POLE: variants seen among roughly 807,000 people sequenced by gnomAD.
POLE encodes DNA polymerase epsilon catalytic subunit A.
In POLE, 188 loss-of-function variants were observed where a neutral mutation model predicts 279.2. The observed-to-expected ratio is 0.67, with a 90% confidence interval of 0.60 to 0.76. POLE has a LOEUF of 0.76. Ranked by LOEUF, POLE falls within the 30% of genes least tolerant of loss-of-function variation. The pLI is 0.00. For missense variants in POLE, 2,703 were observed against 3,016.7 expected, an observed-to-expected ratio of 0.90 and a Z score of 2.44; for synonymous variants, 1,214 against 1,172.5, an observed-to-expected ratio of 1.04 and a Z score of -0.72.
chr12:132,681,146 T>C lies in POLE; in HGVS notation c.196A>G (p.Met66Val), dbSNP rs534552358. The C allele has an allele frequency of 1.2e-6, 2 of 1,614,116 alleles. No homozygotes were observed. The highest frequency in any genetic ancestry group is 2.2e-5 in the East Asian group (1 of 44,876). Residue 66 changes from methionine (M) to valine (V), a missense_variant, in exon 2 of 49, where the codon ATG (methionine) becomes GTG (valine). Physicochemically the swap from Met to Val is conservative, Grantham distance 21. Coordinates refer to ENST00000320574, the MANE Select transcript of POLE (RefSeq NM_006231.4). ...PGEKTGWLINMHPTEILDEDK... is the reference protein window; with the variant it reads ...PGEKTGWLINVHPTEILDEDK... ...AAGGACCTAGTGCTTACAGGATGCA[T>C]GTTAATGAGCCAGCCTGTCTTCTCA...
Position 132,649,097 on chromosome 12 carries a change from CA to C in POLE, c.4006-26del, listed in dbSNP as rs770890806. On this transcript the variant is annotated intron_variant, in intron 31 of 48. Transcript: ENST00000320574. ...TCTGAAAGGCCACACGGACATACAG[CA>C]CATCACAGGACACACTGGAACCCAC... 5 of 1,606,196 alleles carry C rather than the reference CA, an allele frequency of 3.1e-6. No individual in the cohort carries two copies. In the South Asian group the frequency reaches 5.5e-5, roughly 18 times the overall value.
intron 46 of POLE, 160 bp from the exon 47 acceptor site, chr12:132,625,930 C>T (rs2041829547): frequency 2.6e-6 from 3 of 1,149,746 alleles, no homozygotes; most frequent in Non-Finnish European, 3.7e-6. Flanking sequence ...TGCACTTGAG[C>T]CCTTCCTAGG....
chr12:132,667,739 T>C (rs2042829734), intron 19 of POLE, 91 bp from the exon 20 acceptor site: 2 of 1,353,146 alleles, frequency 1.5e-6, no homozygotes, highest in East Asian at 2.3e-5. Context: ...ACATGGCTTC[T>C]ACGTCACCAC....
intron 45 of POLE, among the ~76,000 whole-genome samples, chr12:132,628,214 T>C (rs2041872497): frequency 6.6e-6 from 1 of 152,090 alleles, no homozygotes; most frequent in Non-Finnish European, 1.5e-5. Flanking sequence ...TGGTGGCGCT[T>C]GCCTGTAGTC....
chr12:132,640,019 C>T lies in POLE; in HGVS notation c.5379-721G>A, dbSNP rs981302233. ...AAACATCACCATACCCACATGGCCC[C>T]AGCTGGTCAGAAACAAGAACTTAGA... On this transcript the variant is annotated intron_variant, in intron 39 of 48. Transcript: ENST00000320574. Among the ~76,000 whole-genome samples, 3 of 152,154 alleles carry T rather than the reference C, an allele frequency of 2.0e-5. No individual in the cohort carries two copies. The South Asian group carries it at 6.2e-4, about 32-fold the overall frequency.
In POLE at chr12:132,661,385, G is replaced by C; in HGVS notation, c.2864+142C>G. Reference sequence around the variant, plus strand: ...AGAATACAGCAGGCGGGCAGACAGAGCTGGTGCAAACGGAATCAGTAAGAT... The same window carrying C: ...AGAATACAGCAGGCGGGCAGACAGACCTGGTGCAAACGGAATCAGTAAGAT... On this transcript the variant is annotated intron_variant, in intron 24 of 48. Transcript: ENST00000320574. This position sits in a 1 kb window ranked among gnomAD's most constrained non-coding sequence, Gnocchi z 4.1. 1 of 1,033,962 alleles carries C rather than the reference G, an allele frequency of 9.7e-7. No individual in the cohort carries two copies. The highest frequency in any genetic ancestry group is 1.6e-5 in the African/African-American group (1 of 62,414). 64.0% of individuals were successfully genotyped at this position (1,033,962 alleles called of 1,614,324 possible). A position where few individuals can be genotyped will look rare whatever the true frequency, so the allele number is the denominator to read the frequency against.
rs137911728 is a variant in POLE at position 132,624,404 on chromosome 12, G to T, written c.*293C>A. The T allele has an allele frequency of 7.7e-4, 386 of 499,026 alleles. 2 individuals are homozygous for T. The highest frequency in any genetic ancestry group is 6.7e-3 in the African/African-American group (350 of 52,524). 30.9% of individuals were successfully genotyped at this position (499,026 alleles called of 1,614,324 possible). On this transcript the variant is annotated 3_prime_UTR_variant, in exon 49 of 49. Coordinates refer to ENST00000320574, the MANE Select transcript of POLE (RefSeq NM_006231.4). ...GTGGTGCAGGAAGCAACAGAGGCCT[G>T]GAAAAGCATTCACTGCGTGAGAAAC...
At chr12:132,658,881 C>CAAAGAAAAAAAAAAAAAA (rs2042610748) in intron 26 of POLE, among the ~76,000 whole-genome samples, 1 of 33,840 alleles carries the variant, frequency 3.0e-5, no homozygotes, top group African/African-American at 1.0e-4. Flanking sequence ...ATATAACCAC[C>CAAAGAAAAAAAAAAAAAA]AAAAAAAAAA....
At chr12:132,638,172 C>T (rs764247034) in intron 40 of POLE, 33 bp from the exon 41 acceptor site, 174 of 1,607,732 alleles carry the variant, frequency 1.1e-4, no homozygotes, top group Non-Finnish European at 1.3e-4. Context: ...GTGGTGGAGA[C>T]GCCACAGTCA....
Position 132,634,343 on chromosome 12 carries a change from C to T in POLE, c.5847G>A (p.Glu1949=). 1 of 1,614,020 alleles carries T rather than the reference C, an allele frequency of 6.2e-7. No individual in the cohort carries two copies. Among genetic ancestry groups the T allele is most frequent in the Admixed American group, 1.7e-5 (1 of 60,006 alleles). Residue 1949 remains glutamate (E), a synonymous_variant, in exon 43 of 49, where the codon GAG becomes GAA. Coordinates refer to ENST00000320574, the MANE Select transcript of POLE (RefSeq NM_006231.4). This position sits in a 1 kb window ranked among gnomAD's most constrained non-coding sequence, Gnocchi z 4.0. ...DSQKAGGAED[E]QENEDDEEER... ...CCTCCTCATCGTCCTCATTTTCCTG[C>T]TCATCCTCTGCTCCCCCTGCTTTCT...
intron 27 of POLE, 71 bp from the exon 28 acceptor site, chr12:132,657,500 G>T: frequency 7.9e-7 from 1 of 1,266,990 alleles, no homozygotes; most frequent in Non-Finnish European, 1.1e-6. Flanking sequence ...ACTTCATGCT[G>T]AGCACAGGGC....
chr12:132,637,099 A>G (rs2042049927), intron 41 of POLE, among the ~76,000 whole-genome samples: 1 of 152,222 alleles, frequency 6.6e-6, no homozygotes, highest in African/African-American at 2.4e-5. Flanking sequence ...ACCACTGACC[A>G]TCAAGGCTCA....
chr12:132,672,404 G>T, intron 15 of POLE, 82 bp from the exon 16 acceptor site: 2 of 1,235,236 alleles, frequency 1.6e-6, no homozygotes, highest in Non-Finnish European at 2.4e-6. Context: ...GTGGCTGCAC[G>T]TGGCAGGTTG....
chr12:132,639,245 T>C lies in POLE; in HGVS notation c.5432A>G (p.Asn1811Ser), dbSNP rs1565933181. ...CATCACCTGGTTGTCTGCATAGATG[T>C]TGTGGTACTGGGTGATCTCCTTCAC... The part of the protein sequence containing the change: ...GWVKEITQYH[N>S]IYADNQVMHF... Residue 1811 changes from asparagine to serine, a missense_variant, in exon 40 of 49, where the codon AAC becomes AGC. By Grantham distance (46) the Asn-to-Ser change is conservative. This residue lies in a region of POLE where 1,551 missense variants were observed against 1,686.1 expected (regional missense o/e 0.92). Coordinates refer to ENST00000320574, the MANE Select transcript of POLE (RefSeq NM_006231.4). This position sits in a 1 kb window ranked among gnomAD's most constrained non-coding sequence, Gnocchi z 4.7. 5 of 1,614,150 alleles carry C rather than the reference T, an allele frequency of 3.1e-6. No individual in the cohort carries two copies. Among genetic ancestry groups the C allele is most frequent in the East Asian group, 2.2e-5 (1 of 44,876 alleles).
chr12:132,679,345 A>G, intron 6 of POLE, 152 bp downstream of exon 6: 1 of 723,368 alleles, frequency 1.4e-6, no homozygotes, highest in Non-Finnish European at 2.3e-6. Flanking sequence ...TTTATTTAAC[A>G]CAGAACATAC....
At position 132,635,926 on chromosome 12, in the gene POLE, T is replaced by C. The variant is rs757847276; in HGVS notation, c.5777A>G (p.Lys1926Arg). Reference sequence around the variant, plus strand: ...GTGAATACGAGATGAAACTTTTCCTTTGATTCCGCCATAGTTAGATGGATC... The same window carrying C: ...GTGAATACGAGATGAAACTTTTCCTCTGATTCCGCCATAGTTAGATGGATC... ...WMDPSNYGGI[K>R]GKVSSRIHCG... Residue 1926 changes from lysine (K) to arginine (R), a missense_variant, in exon 42 of 49, where the codon AAA (lysine) becomes AGA (arginine). Around this residue, in one of 5 missense-constraint regions of POLE, gnomAD observed 1,551 missense variants for 1,686.1 expected, o/e 0.92. Transcript: ENST00000320574. The C allele has an allele frequency of 1.2e-5, 19 of 1,613,712 alleles. No homozygotes were observed. The South Asian group carries it at 2.0e-4, about 17-fold the overall frequency.
At chr12:132,679,419 T>C (rs2043119745) in intron 6 of POLE, 78 bp downstream of exon 6, 9 of 1,407,194 alleles carry the variant, frequency 6.4e-6, no homozygotes, top group African/African-American at 1.4e-5. Context: ...AAGGTAACTT[T>C]GTTGCTACGT....
chr12:132,646,831 AAAAC>A (rs907197646), intron 32 of POLE, among the ~76,000 whole-genome samples: 1 of 152,172 alleles, frequency 6.6e-6, no homozygotes, highest in South Asian at 2.1e-4. Flanking sequence ...ACTCCATCTC[AAAAC>A]AAACAAACAA....
rs1428729186 is a variant in POLE at position 132,635,885 on chromosome 12, C to T, written c.5811+7G>A. ...CTGGCTCGGGTGCCACACTGCAGCT[C>T]GCTTACCAGTCCACAGTGAATACGA... On this transcript the variant is annotated splice_region_variant and intron_variant, in intron 42 of 48. Coordinates refer to ENST00000320574, the MANE Select transcript of POLE (RefSeq NM_006231.4). The T allele has an allele frequency of 2.5e-6, 4 of 1,607,546 alleles. No individual in the cohort carries two copies. Among genetic ancestry groups the T allele is most frequent in the South Asian group, 1.1e-5 (1 of 90,340 alleles).
Sources: gnomAD v4.1 joint callset for allele counts (sites outside exome capture counted in the v4.1 genomes callset) on GRCh38, gnomAD v4.1.1 for gene constraint, gnomAD v4.1.1 regional missense constraint, Gnocchi (gnomAD v3.1) non-coding constraint, MANE v1.5 for transcripts, NCBI Gene and HGNC (gene_info 2026-07-23, HGNC 2026-07-21) for gene names.